TNRC18: variants seen among roughly 807,000 people sequenced by gnomAD.
TNRC18 encodes the protein trinucleotide repeat-containing gene 18 protein.
Under a neutral mutation model 226.7 loss-of-function variants are expected in TNRC18, and 69 were observed. The ratio of observed to expected loss-of-function variants is 0.30; its 90% CI spans 0.25 to 0.37. TNRC18 has a LOEUF of 0.37. Among genes scored for constraint, TNRC18 ranks in the 10% least tolerant of loss-of-function variants. The pLI, the probability that TNRC18 is intolerant of heterozygous loss-of-function variation, is 1.00. For synonymous variants in TNRC18, 2,449 were observed against 1,927.6 expected (o/e 1.27, Z -7.09); for missense variants, 4,754 against 4,256.6 (o/e 1.12, Z -3.25).
intron 1 of TNRC18, among the ~76,000 whole-genome samples, chr7:5,422,034 C>T (rs1782616829): frequency 6.6e-6 from 1 of 151,946 alleles, no homozygotes; most frequent in Non-Finnish European, 1.5e-5. Context: ...TGGTGTTTTT[C>T]TGGGGGTGGG....
intron 27 of TNRC18, among the ~76,000 whole-genome samples, chr7:5,311,011 T>C (rs1787139171): frequency 6.6e-6 from 1 of 152,184 alleles, no homozygotes; most frequent in Admixed American, 6.5e-5. Context: ...CGCATGTATG[T>C]GCCTACGTTT....
intron 16 of TNRC18, among the ~76,000 whole-genome samples, chr7:5,354,807 C>G (rs557812559): frequency 6.6e-6 from 1 of 152,182 alleles, no homozygotes; most frequent in Admixed American, 6.5e-5. Context: ...TCTCTGCCCA[C>G]GTAAGCTCAC....
intron 11 of TNRC18, among the ~76,000 whole-genome samples, chr7:5,369,168 C>T (rs1264031452): frequency 6.6e-6 from 1 of 151,990 alleles, no homozygotes; most frequent in African/African-American, 2.4e-5. Context: ...GCCAACATGG[C>T]AAAACCCCAT....
chr7:5,384,048 T>A (rs774261640), intron 5 of TNRC18, among the ~76,000 whole-genome samples: 1 of 133,636 alleles, frequency 7.5e-6, no homozygotes, highest in Admixed American at 9.0e-5. Context: ...CACTGCAACC[T>A]CCTCCTCCTA....
intron 9 of TNRC18, among the ~76,000 whole-genome samples, chr7:5,375,324 A>G (rs910837597): frequency 1.3e-5 from 2 of 151,434 alleles, no homozygotes; most frequent in African/African-American, 4.9e-5. Context: ...AACAACAAAA[A>G]CAAACAAACA....
intron 15 of TNRC18, among the ~76,000 whole-genome samples, chr7:5,358,259 A>G (rs555365890): frequency 6.6e-5 from 10 of 152,330 alleles, no homozygotes; most frequent in African/African-American, 2.4e-4. Context: ...CTGCATGTCT[A>G]TCGTCAGCTG....
chr7:5,332,760 G>A lies in TNRC18; in HGVS notation c.6009C>T (p.Phe2003=). The part of the protein sequence containing the change: ...LWTRRRSERI[F]LHDASAAAPA... ...GTGCAGCAGCCGAGGCGTCGTGCAGGAAGATGCGCTCGCTGCGGCGCCGCG... is the reference window on the plus strand; with the variant it reads ...GTGCAGCAGCCGAGGCGTCGTGCAGAAAGATGCGCTCGCTGCGGCGCCGCG... Residue 2003 remains phenylalanine, a synonymous_variant, in exon 19 of 30, where the codon TTC becomes TTT. Transcript: ENST00000430969. The A allele has an allele frequency of 6.6e-7, 1 of 1,519,998 alleles. No homozygotes were observed. Among genetic ancestry groups the A allele is most frequent in the Non-Finnish European group, 8.8e-7 (1 of 1,139,994 alleles). The allele number at this position is 1,519,998 out of a possible 1,614,324, so 94.2% of individuals were successfully genotyped here.
chr7:5,398,265 G>C (rs1322769165), intron 2 of TNRC18, among the ~76,000 whole-genome samples: 1 of 151,990 alleles, frequency 6.6e-6, no homozygotes, highest in African/African-American at 2.4e-5. Context: ...CCGCCACCCG[G>C]GTTCAAGTGT....
chr7:5,338,522 G>T (rs1255897220), intron 18 of TNRC18, among the ~76,000 whole-genome samples: 1 of 150,896 alleles, frequency 6.6e-6, no homozygotes, highest in African/African-American at 2.4e-5. Flanking sequence ...AAAGTGGGCA[G>T]ATCATCTGAG....
At position 5,358,827 on chromosome 7, in the gene TNRC18, C is replaced by A. The variant is rs560967955; in HGVS notation, c.4833+571G>T. Among the ~76,000 whole-genome samples the A allele has an allele frequency of 6.3e-4, 93 of 147,848 alleles. 1 individual carries two copies. In the South Asian group the frequency reaches 6.8e-3, roughly 11 times the overall value. On this transcript the variant is annotated intron_variant, in intron 15 of 29. Coordinates refer to ENST00000430969, the MANE Select transcript of TNRC18 (RefSeq NM_001080495.3). The stretch of plus-strand genomic sequence containing the variant: ...ACTCTGTCTCAAAAAAACAAACAAA[C>A]AAAAAAAAACTACCCCTTTGCACTG...
At chr7:5,384,422 C>A (rs1779613472) in intron 5 of TNRC18, among the ~76,000 whole-genome samples, 1 of 152,164 alleles carries the variant, frequency 6.6e-6, no homozygotes, top group African/African-American at 2.4e-5. Context: ...ACCTACTTTT[C>A]AAACATCAGC....
At chr7:5,419,634 C>T (rs1315371668) in intron 2 of TNRC18, among the ~76,000 whole-genome samples, 1 of 152,194 alleles carries the variant, frequency 6.6e-6, no homozygotes, top group Non-Finnish European at 1.5e-5. Flanking sequence ...TCACAGACCC[C>T]GGGCGGAATA....
At chr7:5,359,699 G>C (rs1016518693) in intron 14 of TNRC18, 130 bp from the exon 15 acceptor site, 2 of 919,818 alleles carry the variant, frequency 2.2e-6, no homozygotes, top group Non-Finnish European at 3.4e-6. Context: ...AGTGACGGGC[G>C]TGGGGAGATG....
intron 2 of TNRC18, among the ~76,000 whole-genome samples, chr7:5,399,238 G>A (rs1780913857): frequency 6.6e-6 from 1 of 152,238 alleles, no homozygotes; most frequent in African/African-American, 2.4e-5. Flanking sequence ...GAGCTCACTG[G>A]CCTCTCGAAA....
At chr7:5,317,927 C>T (rs1207927360) in intron 24 of TNRC18, among the ~76,000 whole-genome samples, 13 of 151,794 alleles carry the variant, frequency 8.6e-5, no homozygotes, top group South Asian at 2.1e-4. Context: ...TAGAGTGCAG[C>T]GGTGTGATCT....
chr7:5,411,488 A>C (rs1781840357), intron 2 of TNRC18, among the ~76,000 whole-genome samples: 2 of 144,672 alleles, frequency 1.4e-5, no homozygotes, highest in Admixed American at 1.5e-4. Context: ...ATCACACTCC[A>C]GCCTGGGTGA....
chr7:5,404,720 T>C (rs1781347618), intron 2 of TNRC18, among the ~76,000 whole-genome samples: 1 of 151,822 alleles, frequency 6.6e-6, no homozygotes, highest in South Asian at 2.1e-4. Context: ...GCAGATTCCA[T>C]ATGCAATCCC....
Position 5,389,180 on chromosome 7 carries a change from T to C in TNRC18, c.644A>G (p.Glu215Gly), listed in dbSNP as rs2128195282. The stretch of plus-strand genomic sequence containing the variant: ...CTTCTTGCCGAAAAGCGGAGGCGGC[T>C]CCCCGCCGCGGCCCGCCCGCTCCTT... ...PAKERAGRGG[E>G]PPPLFGKKDP... The change falls in exon 5 of 30, where the codon GAG (glutamate) becomes GGG (glycine). Residue 215 changes from glutamate to glycine, a missense_variant. Glu to Gly is a moderately conservative substitution (Grantham distance 98). Transcript: ENST00000430969. 1 of 1,315,144 alleles carries C rather than the reference T, an allele frequency of 7.6e-7. No homozygotes were observed. Among genetic ancestry groups the C allele is most frequent in the Non-Finnish European group, 9.7e-7 (1 of 1,034,364 alleles). The allele number at this position is 1,315,144 out of a possible 1,614,324, so 81.5% of individuals were successfully genotyped here.
intron 19 of TNRC18, among the ~76,000 whole-genome samples, chr7:5,328,288 C>G (rs1789144152): frequency 6.6e-6 from 1 of 152,082 alleles, no homozygotes. Flanking sequence ...TTCGGGAGGC[C>G]AAGGCAGGAG....
Sources: allele counts gnomAD v4.1 joint callset (sites outside exome capture counted in the v4.1 genomes callset), GRCh38; gene constraint gnomAD v4.1.1; transcripts MANE v1.5; gene names NCBI Gene and HGNC (gene_info 2026-07-23, HGNC 2026-07-21).